The following DNAH14 variants were observed in gnomAD, a reference collection of about 807,000 sequenced individuals.
DNAH14 encodes dynein axonemal heavy chain 14.
Under a neutral mutation model 520.9 loss-of-function variants are expected in DNAH14, and 478 were observed. The ratio of observed to expected loss-of-function variants is 0.92; its 90% CI spans 0.85 to 0.99. The LOEUF (loss-of-function observed/expected upper bound fraction) is 0.99. Ranked by LOEUF, DNAH14 falls within the 50% of genes least tolerant of loss-of-function variation. DNAH14 has a pLI of 0.00. For missense variants in DNAH14, 4,831 were observed against 5,234.5 expected (o/e 0.92, Z 2.38); for synonymous variants, 1,581 against 1,757.2 (o/e 0.90, Z 2.51).
chr1:225,117,651 A>G (rs751425346), intron 23 of DNAH14, 33 bp from the exon 24 acceptor site: 34 of 1,311,558 alleles, frequency 2.6e-5, no homozygotes, highest in Non-Finnish European at 3.3e-5. Flanking sequence ...TTAAGCATAT[A>G]TTCTGAATTG....
intron 42 of DNAH14, among the ~76,000 whole-genome samples, chr1:225,234,697 T>C (rs569338604): frequency 6.6e-6 from 1 of 152,356 alleles, no homozygotes; most frequent in South Asian, 2.1e-4. Flanking sequence ...TTGTTCCATT[T>C]GTTTGTGTCC....
At chr1:225,195,167 C>A (rs368892427) in intron 38 of DNAH14, among the ~76,000 whole-genome samples, 17 of 152,048 alleles carry the variant, frequency 1.1e-4, no homozygotes, top group African/African-American at 4.1e-4. Context: ...CATATATGCC[C>A]AAATTAACAT....
chr1:225,170,458 G>C lies in DNAH14; in HGVS notation c.5535+2430G>C, dbSNP rs573442354. ...AGCAAATGGAAAACAAAAAAGGCAGGGGTTGGAATCCTAGTCTCTGATAAA... is the reference window on the plus strand; with the variant it reads ...AGCAAATGGAAAACAAAAAAGGCAGCGGTTGGAATCCTAGTCTCTGATAAA... On this transcript the variant is annotated intron_variant, in intron 36 of 85. Coordinates refer to ENST00000682510, the MANE Select transcript of DNAH14 (RefSeq NM_001367479.1). Among the ~76,000 whole-genome samples, 136 of 152,124 alleles carry C rather than the reference G, an allele frequency of 8.9e-4. 1 individual carries two copies. Among genetic ancestry groups the C allele is most frequent in the African/African-American group, 3.1e-3 (129 of 41,482 alleles).
At chr1:225,145,233 A>G in intron 29 of DNAH14, 93 bp from the exon 30 acceptor site, 1 of 1,032,842 alleles carries the variant, frequency 9.7e-7, no homozygotes, top group Non-Finnish European at 1.4e-6. Context: ...AGTTTTCTCA[A>G]AAGCATAAAG....
chr1:225,138,347 C>T (rs186138006), intron 27 of DNAH14, among the ~76,000 whole-genome samples: 3 of 152,238 alleles, frequency 2.0e-5, no homozygotes, highest in Non-Finnish European at 2.9e-5. Context: ...CCCATTGGAT[C>T]TCAGTCCTAT....
chr1:225,376,308 T>G (rs2095700355), intron 78 of DNAH14, among the ~76,000 whole-genome samples: 1 of 152,042 alleles, frequency 6.6e-6, no homozygotes, highest in African/African-American at 2.4e-5. Context: ...ATGCCTGTAG[T>G]CCTAGCTACA....
chr1:225,160,633 A>T (rs2081423757), intron 35 of DNAH14, among the ~76,000 whole-genome samples: 1 of 152,166 alleles, frequency 6.6e-6, no homozygotes, highest in Non-Finnish European at 1.5e-5. Flanking sequence ...GTTAAACAAG[A>T]TAGATACTCC....
chr1:225,060,153 A>G (rs1420801604), intron 17 of DNAH14, among the ~76,000 whole-genome samples: 3 of 151,430 alleles, frequency 2.0e-5, no homozygotes, highest in Middle Eastern at 3.4e-3. Flanking sequence ...CCTGTTACCA[A>G]TCAGATGTAG....
intron 8 of DNAH14, among the ~76,000 whole-genome samples, chr1:224,985,655 G>T (rs1303535313): frequency 6.6e-6 from 1 of 152,018 alleles, no homozygotes; most frequent in Non-Finnish European, 1.5e-5. Flanking sequence ...GAAGCTCAAA[G>T]AAATTCAAGA....
chr1:225,280,494 G>T (rs2093603034), intron 54 of DNAH14, among the ~76,000 whole-genome samples: 1 of 152,028 alleles, frequency 6.6e-6, no homozygotes, highest in African/African-American at 2.4e-5. Context: ...AGCTACTCGG[G>T]AGGCTGAGGC....
chr1:225,329,324 G>A (rs2094745051), intron 64 of DNAH14, among the ~76,000 whole-genome samples: 1 of 152,096 alleles, frequency 6.6e-6, no homozygotes, highest in Admixed American at 6.5e-5. Flanking sequence ...AGAAGCTTAA[G>A]GAATGTTGGG....
At chr1:224,976,250 T>G (rs2061831900) in intron 8 of DNAH14, among the ~76,000 whole-genome samples, 1 of 152,220 alleles carries the variant, frequency 6.6e-6, no homozygotes, top group East Asian at 1.9e-4. Context: ...GTCTCCTTGG[T>G]GTAGAGCTGA....
At chr1:225,120,835 C>G (rs2077230819) in intron 26 of DNAH14, among the ~76,000 whole-genome samples, 1 of 152,088 alleles carries the variant, frequency 6.6e-6, no homozygotes, top group South Asian at 2.1e-4. Flanking sequence ...AATTGTTGTC[C>G]TGGGATTTTT....
Position 225,231,626 on chromosome 1 carries a change from G to T in DNAH14, c.6518+475G>T, listed in dbSNP as rs530545356. ...CATTTTGTAGGATAGAAGAGTCACT[G>T]TTGGGCATCTTATTATGAGTCCTTA... On this transcript the variant is annotated intron_variant, in intron 42 of 85. Transcript: ENST00000682510. Among the ~76,000 whole-genome samples the T allele has an allele frequency of 1.1e-4, 17 of 152,226 alleles. No individual in the cohort carries two copies. In the East Asian group the frequency reaches 3.1e-3, roughly 28 times the overall value.
At chr1:225,053,314 A>T (rs2068720822) in intron 17 of DNAH14, among the ~76,000 whole-genome samples, 1 of 152,154 alleles carries the variant, frequency 6.6e-6, no homozygotes, top group Non-Finnish European at 1.5e-5. Context: ...AGAAGACCTG[A>T]ATGAATCCAA....
chr1:225,109,203 T>G (rs928116672), intron 23 of DNAH14, among the ~76,000 whole-genome samples: 4 of 152,170 alleles, frequency 2.6e-5, no homozygotes, highest in African/African-American at 9.7e-5. Flanking sequence ...TTCTGGGTCT[T>G]TTGTGGCTCA....
chr1:225,084,192 A>T (rs944026166), intron 20 of DNAH14, among the ~76,000 whole-genome samples: 1 of 152,174 alleles, frequency 6.6e-6, no homozygotes, highest in African/African-American at 2.4e-5. Flanking sequence ...GTGAGGAGTT[A>T]GAGGAACCCC....
chr1:225,265,236 A>G lies in DNAH14; in HGVS notation c.7277A>G (p.Asn2426Ser), dbSNP rs1434945692. 4 of 1,514,188 alleles carry G rather than the reference A, an allele frequency of 2.6e-6. No individual in the cohort carries two copies. Among genetic ancestry groups the G allele is most frequent in the Non-Finnish European group, 3.5e-6 (4 of 1,135,080 alleles). 93.8% of individuals were successfully genotyped at this position (1,514,188 alleles called of 1,614,324 possible). A position where few individuals can be genotyped will look rare whatever the true frequency, so the allele number is the denominator to read the frequency against. ...VRTNKKLLKN[N>S]DHKGVVVSTI... ...ACTAATAAAAAGTTACTTAAAAATAATGATCATAAAGGAGTTGTAGTCTCT... is the reference window on the plus strand; with the variant it reads ...ACTAATAAAAAGTTACTTAAAAATAGTGATCATAAAGGAGTTGTAGTCTCT... Residue 2426 changes from asparagine (N) to serine (S), a missense_variant, in exon 48 of 86, where the codon AAT (asparagine) becomes AGT (serine). By Grantham distance (46) the Asn-to-Ser change is conservative. Coordinates refer to ENST00000682510, the MANE Select transcript of DNAH14 (RefSeq NM_001367479.1).
rs1052402636 is a variant in DNAH14 at position 225,146,158 on chromosome 1, G to C, written c.4794+779G>C. ...GGCTCCACATGAGTGAGGCCAAAAA[G>C]CCTGCTAATTAAAATAAATAATATT... is the stretch of plus-strand genomic sequence containing the variant. On this transcript the variant is annotated intron_variant, in intron 30 of 85. Coordinates refer to ENST00000682510, the MANE Select transcript of DNAH14 (RefSeq NM_001367479.1). Among the ~76,000 whole-genome samples the C allele has an allele frequency of 9.2e-5, 14 of 152,254 alleles. No individual in the cohort carries two copies. In the East Asian group the frequency reaches 2.7e-3, roughly 29 times the overall value.
Sources: gnomAD v4.1 joint callset for allele counts (sites outside exome capture counted in the v4.1 genomes callset) on GRCh38, gnomAD v4.1.1 for gene constraint, MANE v1.5 for transcripts, NCBI Gene and HGNC (gene_info 2026-07-23, HGNC 2026-07-21) for gene names.